CIMAP1D: variants seen among roughly 807,000 people sequenced by gnomAD.
The protein encoded by CIMAP1D is CIMAP1 family member D, also known as protein CIMAP1D.
the CIMAP1D span, among the ~76,000 whole-genome samples, chr19:465,322 G>T: frequency 6.6e-6 from 1 of 151,072 alleles, no homozygotes; most frequent in Admixed American, 6.6e-5. Context: ...TGTGTAGATG[G>T]ATGGATGGAT....
the CIMAP1D span, among the ~76,000 whole-genome samples, chr19:480,539 TG>T: frequency 0.023 from 2,608 of 111,174 alleles, 751 homozygotes; most frequent in African/African-American, 0.13. Context: ...GGAAGGATGA[TG>T]GGGAAGGATG....
chr19:463,675 C>A, the CIMAP1D span: 2,129 of 968,702 alleles, frequency 2.2e-3, 26 homozygotes, highest in African/African-American at 0.032. Context: ...TGGGTCACAG[C>A]CCCCAGGGAC....
At chr19:483,610 T>A in the CIMAP1D span, among the ~76,000 whole-genome samples, 1 of 152,132 alleles carries the variant, frequency 6.6e-6, no homozygotes, top group African/African-American at 2.4e-5. Flanking sequence ...CTGGGGGAGC[T>A]CCTGGCATGG....
chr19:471,035 C>T, the CIMAP1D span, among the ~76,000 whole-genome samples: 5 of 152,202 alleles, frequency 3.3e-5, no homozygotes, highest in South Asian at 6.2e-4. Context: ...GGGGAGCCCC[C>T]ACCTTCATGG....
the CIMAP1D span, chr19:467,706 G>C: frequency 6.2e-7 from 1 of 1,611,934 alleles, no homozygotes. Flanking sequence ...CGGCCAAAGC[G>C]TGTGACTTTG....
chr19:488,419 G>C, the CIMAP1D span, among the ~76,000 whole-genome samples: 1 of 152,206 alleles, frequency 6.6e-6, no homozygotes, highest in East Asian at 1.9e-4. Flanking sequence ...CTACTCGGGA[G>C]GCTGAGGCAG....
chr19:480,519 AGGATGATGGGG>A, the CIMAP1D span, among the ~76,000 whole-genome samples: 2 of 140,700 alleles, frequency 1.4e-5, no homozygotes, highest in African/African-American at 3.0e-5. Context: ...ATGATGGGGA[AGGATGATGGGG>A]AAGGATGATG....
At chr19:464,032 G>A in the CIMAP1D span, 6 of 1,600,924 alleles carry the variant, frequency 3.7e-6, no homozygotes, top group Non-Finnish European at 5.1e-6. Context: ...GGGGCCCGGG[G>A]CCGCCCCAGC....
At chr19:475,345 G>A in the CIMAP1D span, among the ~76,000 whole-genome samples, 4 of 152,196 alleles carry the variant, frequency 2.6e-5, no homozygotes, top group South Asian at 2.1e-4. Flanking sequence ...AACTGGACAC[G>A]AACAGACGGA....
At chr19:480,646 G>C in the CIMAP1D span, among the ~76,000 whole-genome samples, 10 of 132,060 alleles carry the variant, frequency 7.6e-5, no homozygotes, top group South Asian at 7.6e-4. Flanking sequence ...ATGATGGTAA[G>C]GATGATGGAG....
chr19:487,597 G>T, the CIMAP1D span, among the ~76,000 whole-genome samples: 2 of 150,466 alleles, frequency 1.3e-5, no homozygotes, highest in Admixed American at 1.3e-4. Context: ...TTGAGCTCAG[G>T]AGGCGGAGGT....
At chr19:475,986 ATTTTTTTTTTTT>A in the CIMAP1D span, among the ~76,000 whole-genome samples, 756 of 39,286 alleles carry the variant, frequency 0.019, 12 homozygotes, top group Non-Finnish European at 0.024. Flanking sequence ...CGCCTGGCTA[ATTTTTTTTTTTT>A]TTTTTTTTTT....
chr19:464,036 C>T, the CIMAP1D span: 1 of 1,600,046 alleles, frequency 6.2e-7, no homozygotes, highest in Non-Finnish European at 8.5e-7. Flanking sequence ...CCCGGGGCCG[C>T]CCCAGCATGG....
At chr19:477,686 G>A in the CIMAP1D span, among the ~76,000 whole-genome samples, 5 of 152,084 alleles carry the variant, frequency 3.3e-5, no homozygotes, top group Admixed American at 2.6e-4. Context: ...TTTTTGACAC[G>A]GAGTCTCGCT....
the CIMAP1D span, chr19:464,258 C>T: frequency 6.5e-7 from 1 of 1,536,004 alleles, no homozygotes; most frequent in Admixed American, 2.2e-5. Context: ...TGTCCAGGGG[C>T]TTCAGGGGGA....
the CIMAP1D span, chr19:467,618 C>T: frequency 7.1e-7 from 1 of 1,411,926 alleles, no homozygotes; most frequent in Admixed American, 1.7e-5. Flanking sequence ...GAAAGCAGGT[C>T]CTTGTGCGGC....
chr19:488,294 G>T, the CIMAP1D span, among the ~76,000 whole-genome samples: 5 of 151,678 alleles, frequency 3.3e-5, no homozygotes, highest in Non-Finnish European at 7.4e-5. Context: ...AGGCTGAGGC[G>T]GGCAGATCAC....
the CIMAP1D span, among the ~76,000 whole-genome samples, chr19:481,135 GGGGAAGGATGATGGGAAGGATGAT>G: frequency 0.21 from 19,717 of 93,392 alleles, 1,095 homozygotes; most frequent in African/African-American, 0.28. Context: ...GAAGGATGAT[GGGGAAGGATGATGGGAAGGATGAT>G]GGGAAGGATG....
the CIMAP1D span, among the ~76,000 whole-genome samples, chr19:471,803 C>G: frequency 1.1e-4 from 16 of 151,716 alleles, no homozygotes; most frequent in African/African-American, 3.9e-4. Context: ...AGTGCAGTGG[C>G]GCCATCTCGG....
Sources: allele counts gnomAD v4.1 joint callset (sites outside exome capture counted in the v4.1 genomes callset), GRCh38; gene constraint gnomAD v4.1.1; transcripts MANE v1.5; gene names NCBI Gene and HGNC (gene_info 2026-07-23, HGNC 2026-07-21).